CDC42BPG: variants seen among roughly 807,000 people sequenced by gnomAD.
CDC42BPG encodes the protein serine/threonine-protein kinase MRCK gamma.
CDC42BPG carries 157 observed loss-of-function variants against 192.2 expected under a neutral mutation model. That is an observed-to-expected ratio of 0.82 (90% confidence interval 0.72 to 0.93). The LOEUF (loss-of-function observed/expected upper bound fraction) is 0.93, where lower values mean the gene tolerates loss of function less well. Among genes scored for constraint, CDC42BPG ranks in the 40% least tolerant of loss-of-function variants. The pLI is 0.00. For synonymous variants in CDC42BPG, 981 were observed against 918.5 expected, an observed-to-expected ratio of 1.07 and a Z score of -1.23; for missense variants, 1,992 against 2,122.1, an observed-to-expected ratio of 0.94 and a Z score of 1.20.
chr11:64,835,423 GGGA>G lies in CDC42BPG; in HGVS notation c.1881-7_1881-5del, dbSNP rs757201501. On this transcript the variant is annotated splice_region_variant and splice_polypyrimidine_tract_variant and intron_variant, in intron 15 of 36. Transcript: ENST00000342711. ...AGCCTCCTCCTTACCACTCGGCCTG[GGGA>G]GGAGAAGGCCAAGGCCGTGACTCAC... 3.2e-5 allele frequency: 51 copies of G among 1,613,446 alleles called. No individual in the cohort carries two copies. In the African/African-American group the frequency reaches 4.5e-4, roughly 14 times the overall value.
chr11:64,837,569 T>C (rs1387645583), intron 9 of CDC42BPG, among the ~76,000 whole-genome samples: 1 of 152,226 alleles, frequency 6.6e-6, no homozygotes, highest in Non-Finnish European at 1.5e-5. Flanking sequence ...CAAGCGATTC[T>C]CGCTGCCTCA....
chr11:64,828,427 T>C (rs1160182645), intron 30 of CDC42BPG, among the ~76,000 whole-genome samples: 2 of 151,978 alleles, frequency 1.3e-5, no homozygotes, highest in Non-Finnish European at 2.9e-5. Flanking sequence ...AGTCATGAAG[T>C]GGAGGCGATG....
chr11:64,837,133 C>T, intron 9 of CDC42BPG, 114 bp from the exon 10 acceptor site: 2 of 900,922 alleles, frequency 2.2e-6, no homozygotes, highest in South Asian at 1.5e-5. Flanking sequence ...CAGACCCTGC[C>T]CTCGGGAGAC....
chr11:64,827,350 T>C lies in CDC42BPG; in HGVS notation c.4199A>G (p.Gln1400Arg), dbSNP rs1387846932. The C allele has an allele frequency of 1.9e-6, 3 of 1,613,960 alleles. No homozygotes were observed. Among genetic ancestry groups the C allele is most frequent in the African/African-American group, 2.7e-5 (2 of 74,924 alleles). Reference protein sequence around the residue: ...IPDLTDNSRRQLFRTKSKRRF... With the variant: ...IPDLTDNSRRRLFRTKSKRRF... ...GCGCTTGCTCTTGGTGCGGAACAGC[T>C]GGCGCCGGCTGTTGTCGGTGAGGTC... Residue 1400 changes from glutamine to arginine, a missense_variant, in exon 33 of 37, where the codon CAG becomes CGG. Around this residue, in one of 2 missense-constraint regions of CDC42BPG, gnomAD observed 336 missense variants for 277.9 expected, o/e 1.21. Coordinates refer to ENST00000342711, the MANE Select transcript of CDC42BPG (RefSeq NM_017525.3).
At chr11:64,836,715 G>GGGGGA in intron 11 of CDC42BPG, 24 bp downstream of exon 11, 9 of 870,666 alleles carry the variant, frequency 1.0e-5, no homozygotes, top group Non-Finnish European at 1.5e-5. Flanking sequence ...CTGGGGGGGG[G>GGGGGA]GGGGGGGTGG....
Position 64,832,680 on chromosome 11 carries a change from G to A in CDC42BPG, c.2929C>T (p.Arg977Cys), listed in dbSNP as rs1321826028. Residue 977 changes from arginine (R) to cysteine (C), a missense_variant, in exon 26 of 37, where the codon CGC (arginine) becomes TGC (cysteine). Arg to Cys is a radical substitution (Grantham distance 180). Coordinates refer to ENST00000342711, the MANE Select transcript of CDC42BPG (RefSeq NM_017525.3). ...TCAGGGGCGTCAAACAGCAGCAGGC[G>A]TGAGTCACTCAGGGCAGCAAACACG... ...QRVFAALSDSRLLLFDAPDLR... is the reference protein window; with the variant it reads ...QRVFAALSDSCLLLFDAPDLR... The A allele has an allele frequency of 6.8e-6, 11 of 1,613,392 alleles. No homozygotes were observed. Among genetic ancestry groups the A allele is most frequent in the Admixed American group, 5.0e-5 (3 of 59,974 alleles).
intron 8 of CDC42BPG, 25 bp from the exon 9 acceptor site, chr11:64,838,187 T>C: frequency 9.1e-6 from 14 of 1,535,108 alleles, no homozygotes; most frequent in African/African-American, 1.4e-5. Context: ...GGAAGGAGAG[T>C]CAGAGTCCAC....
Position 64,840,565 on chromosome 11 carries a change from G to A in CDC42BPG, c.420C>T (p.Asp140=), listed in dbSNP as rs756654971. The part of the protein sequence containing the change: ...WVTTLHYAFQ[D]EEYLYLVMDY... Reference sequence around the variant, plus strand: ...CACGTATCCTCACCAGGTACTCCTCGTCTTGGAAGGCATAGTGCAGAGTGG... The same window carrying A: ...CACGTATCCTCACCAGGTACTCCTCATCTTGGAAGGCATAGTGCAGAGTGG... The change falls in exon 4 of 37, where the codon GAC becomes GAT. Residue 140 remains aspartate, a synonymous_variant. Coordinates refer to ENST00000342711, the MANE Select transcript of CDC42BPG (RefSeq NM_017525.3). The A allele has an allele frequency of 2.5e-5, 40 of 1,613,764 alleles. No homozygotes were observed. Among genetic ancestry groups the A allele is most frequent in the African/African-American group, 8.0e-5 (6 of 74,914 alleles).
intron 5 of CDC42BPG, 34 bp downstream of exon 5, chr11:64,840,086 G>A (rs539403647): frequency 6.3e-5 from 100 of 1,594,812 alleles, no homozygotes; most frequent in African/African-American, 1.1e-4. Context: ...GCAGGGCAGC[G>A]GGGTTGGGCA....
In CDC42BPG at chr11:64,841,752, C is replaced by T; in HGVS notation, c.253-19G>A. 1.3e-5 allele frequency: 21 copies of T among 1,613,802 alleles called. No individual in the cohort carries two copies. The highest frequency in any genetic ancestry group is 1.8e-5 in the Non-Finnish European group (21 of 1,179,824). The stretch of plus-strand genomic sequence containing the variant: ...CGGTGACCTAAGGCCACAGGGAGGA[C>T]CGGGGTGAGCCCAGCCCGGTGTGAA... On this transcript the variant is annotated intron_variant, in intron 2 of 36. Coordinates refer to ENST00000342711, the MANE Select transcript of CDC42BPG (RefSeq NM_017525.3).
At position 64,833,932 on chromosome 11, in the gene CDC42BPG, C is replaced by T. The variant is rs1259615449; in HGVS notation, c.2459G>A (p.Ser820Asn). 12 of 1,614,214 alleles carry T rather than the reference C, an allele frequency of 7.4e-6. No individual in the cohort carries two copies. Among genetic ancestry groups the T allele is most frequent in the Non-Finnish European group, 9.3e-6 (11 of 1,180,020 alleles). Residue 820 changes from serine (S) to asparagine (N), a missense_variant, in exon 21 of 37, where the codon AGC becomes AAC. Physicochemically the swap from Ser to Asn is conservative, Grantham distance 46 (BLOSUM62 1). Around this residue, in one of 2 missense-constraint regions of CDC42BPG, gnomAD observed 1,656 missense variants for 1,844.3 expected, o/e 0.90. Coordinates refer to ENST00000342711, the MANE Select transcript of CDC42BPG (RefSeq NM_017525.3). Reference protein sequence around the residue: ...NSLIPFLSFRSSEKDSAKDPG... With the variant: ...NSLIPFLSFRNSEKDSAKDPG... The stretch of plus-strand genomic sequence containing the variant: ...CCTTGGCCTGGTCCTTACCTCTGAG[C>T]TCCGGAAGGACAGGAAGGGAATCAG...
chr11:64,833,147 C>T, intron 24 of CDC42BPG, 84 bp downstream of exon 24: 1 of 1,287,792 alleles, frequency 7.8e-7, no homozygotes, highest in Non-Finnish European at 1.1e-6. Flanking sequence ...GTGCCAGTGA[C>T]CCTGGGATGG....
chr11:64,841,063 A>C (rs757177550), intron 3 of CDC42BPG, among the ~76,000 whole-genome samples: 34 of 151,994 alleles, frequency 2.2e-4, no homozygotes, highest in Non-Finnish European at 4.0e-4. Context: ...AGGCATGAGA[A>C]TCCCTTGCAC....
Position 64,835,598 on chromosome 11 carries a change from G to A in CDC42BPG, c.1782C>T (p.Thr594=), listed in dbSNP as rs1194984161. The A allele has an allele frequency of 3.2e-6, 5 of 1,572,684 alleles. No individual in the cohort carries two copies. Among genetic ancestry groups the A allele is most frequent in the Non-Finnish European group, 3.4e-6 (4 of 1,162,222 alleles). Residue 594 remains threonine (T), a synonymous_variant, in exon 15 of 37, where the codon ACC becomes ACT. Coordinates refer to ENST00000342711, the MANE Select transcript of CDC42BPG (RefSeq NM_017525.3). The part of the protein sequence containing the change: ...QAKTIHTASE[T]NGMGPPEGGP... ...CACCCTCAGGGGGTCCCATCCCGTT[G>A]GTCTCAGAGGCTGTGTGGATGGTCT...
chr11:64,839,189 A>G lies in CDC42BPG; in HGVS notation c.720T>C (p.Pro240=), dbSNP rs146981916. The G allele has an allele frequency of 1.0e-4, 167 of 1,612,136 alleles. No homozygotes were observed. The highest frequency in any genetic ancestry group is 2.7e-4 in the Admixed American group (16 of 59,998). ...CCTCCTCCATGGCCTGCAGGATCTC[A>G]GGGGAGATATAGTCCGGCGTCCCTA... ...VAVGTPDYIS[P]EILQAMEEGK... Residue 240 remains proline, a synonymous_variant, in exon 7 of 37, where the codon CCT becomes CCC. Transcript: ENST00000342711.
chr11:64,824,785 C>T (rs1254556715), intron 36 of CDC42BPG, among the ~76,000 whole-genome samples: 2 of 152,060 alleles, frequency 1.3e-5, no homozygotes, highest in Non-Finnish European at 2.9e-5. Context: ...TGCTCTGTCG[C>T]CTAGCCTGGA....
At position 64,838,874 on chromosome 11, in the gene CDC42BPG, G is replaced by A. The variant is rs1350954214; in HGVS notation, c.905C>T (p.Pro302Leu). 3 of 1,610,138 alleles carry A rather than the reference G, an allele frequency of 1.9e-6. No individual in the cohort carries two copies. The highest frequency in any genetic ancestry group is 2.2e-5 in the East Asian group (1 of 44,874). ...EDHLQFPPDV[P>L]DVPASAQDLI... is the part of the protein sequence containing the mutation. ...GTCTTGGGCGCTGGCTGGCACGTCA[G>A]GCACGTCCGGGGGGAACTGCAGGTG... The change falls in exon 8 of 37, where the codon CCT becomes CTT. Residue 302 changes from proline (P) to leucine (L), a missense_variant. Physicochemically the swap from Pro to Leu is moderately conservative, Grantham distance 98. Coordinates refer to ENST00000342711, the MANE Select transcript of CDC42BPG (RefSeq NM_017525.3).
intron 11 of CDC42BPG, 99 bp from the exon 12 acceptor site, chr11:64,836,629 G>T: frequency 8.0e-7 from 1 of 1,245,146 alleles, no homozygotes; most frequent in Non-Finnish European, 1.1e-6. Flanking sequence ...CGGGCTCAGA[G>T]AGTATAAAAT....
At chr11:64,831,872 G>T in intron 27 of CDC42BPG, 151 bp from the exon 28 acceptor site, 1 of 700,506 alleles carries the variant, frequency 1.4e-6, no homozygotes, top group Non-Finnish European at 2.4e-6. Context: ...CAACTCCAGA[G>T]CCATGCGACC....
Sources: gnomAD v4.1 joint callset for allele counts (sites outside exome capture counted in the v4.1 genomes callset) on GRCh38, gnomAD v4.1.1 for gene constraint, gnomAD v4.1.1 regional missense constraint, MANE v1.5 for transcripts, NCBI Gene and HGNC (gene_info 2026-07-23, HGNC 2026-07-21) for gene names.